Variants in EYS observed in about 807,000 individuals in gnomAD.
EYS encodes EGF-like photoreceptor maintenance factor, also known as protein eyes shut homolog.
In EYS, 250 loss-of-function variants were observed where a neutral mutation model predicts 282.1. That is an observed-to-expected ratio of 0.89 (90% CI 0.80 to 0.98). The LOEUF (loss-of-function observed/expected upper bound fraction) is 0.98. Ranked by LOEUF, EYS falls within the 50% of genes least tolerant of loss-of-function variation. The pLI is 0.00. For synonymous variants in EYS, 1,355 were observed against 1,282.9 expected (o/e 1.06, Z -1.20); for missense variants, 4,016 against 3,709.0 (o/e 1.08, Z -2.15).
At chr6:65,630,607 C>G (rs1197835231) in intron 2 of EYS, among the ~76,000 whole-genome samples, 1 of 152,190 alleles carries the variant, frequency 6.6e-6, no homozygotes, top group Non-Finnish European at 1.5e-5. Context: ...TTTGACAGAA[C>G]TTCTAAATCA....
chr6:64,062,246 C>T (rs967453264), intron 33 of EYS, among the ~76,000 whole-genome samples: 1 of 152,184 alleles, frequency 6.6e-6, no homozygotes, highest in African/African-American at 2.4e-5. Flanking sequence ...ACATAAACAA[C>T]TGGACAGATA....
intron 26 of EYS, among the ~76,000 whole-genome samples, chr6:64,439,682 T>A (rs1774870520): frequency 6.6e-6 from 1 of 151,906 alleles, no homozygotes; most frequent in African/African-American, 2.4e-5. Context: ...TTATATAAGA[T>A]ATTGATACAA....
chr6:65,022,720 A>G (rs1475546049), intron 13 of EYS, among the ~76,000 whole-genome samples: 1 of 149,744 alleles, frequency 6.7e-6, no homozygotes, highest in Non-Finnish European at 1.5e-5. Context: ...CATAAATACA[A>G]TATATGTAAT....
At chr6:64,319,747 A>G (rs959881171) in intron 29 of EYS, among the ~76,000 whole-genome samples, 2 of 151,928 alleles carry the variant, frequency 1.3e-5, no homozygotes, top group Non-Finnish European at 1.5e-5. Context: ...AGATAGACAG[A>G]CAGACAGGAA....
At chr6:63,927,366 C>G (rs1581986230) in intron 35 of EYS, among the ~76,000 whole-genome samples, 1 of 152,186 alleles carries the variant, frequency 6.6e-6, no homozygotes, top group African/African-American at 2.4e-5. Context: ...CAGTAATTTG[C>G]TAGTCATTGT....
intron 35 of EYS, among the ~76,000 whole-genome samples, chr6:63,869,501 A>G (rs1322593761): frequency 6.6e-6 from 1 of 152,150 alleles, no homozygotes; most frequent in Non-Finnish European, 1.5e-5. Context: ...TCTTTTCCAT[A>G]TCTCTGGCCT....
chr6:65,411,135 G>A (rs1477836732), intron 5 of EYS, among the ~76,000 whole-genome samples: 1 of 151,906 alleles, frequency 6.6e-6, no homozygotes, highest in African/African-American at 2.4e-5. Context: ...AAAAATAGAA[G>A]ACTCAAATAC....
chr6:64,656,736 T>C (rs10944664), intron 22 of EYS, among the ~76,000 whole-genome samples: 16,891 of 152,114 alleles, frequency 0.11, 1,121 homozygotes, highest in East Asian at 0.16. Flanking sequence ...GCATCCTGGA[T>C]TGGGAGGATG....
In EYS at chr6:63,721,107, C is replaced by G; in HGVS notation, c.8924G>C (p.Arg2975Thr). The change falls in exon 43 of 43, where the codon AGA (arginine) becomes ACA (threonine). Residue 2975 changes from arginine (R) to threonine (T), a missense_variant. Transcript: ENST00000503581. ...IKYIDPNYRM[R>T]NLQFTTISLN... is the part of the protein sequence containing the mutation. ...GGATATAGTAGTGAACTGGAGGTTT[C>G]TCATTCTATAATTTGGATCAATGTA... The G allele has an allele frequency of 6.4e-7, 1 of 1,551,394 alleles. No homozygotes were observed. Among genetic ancestry groups the G allele is most frequent in the Non-Finnish European group, 8.7e-7 (1 of 1,146,800 alleles).
chr6:65,703,649 A>C (rs1220820492), intron 1 of EYS, among the ~76,000 whole-genome samples: 1 of 151,798 alleles, frequency 6.6e-6, no homozygotes, highest in Admixed American at 6.6e-5. Context: ...TTTACATTGA[A>C]GTTACAACTC....
At chr6:64,789,759 G>T (rs757708294) in intron 22 of EYS, among the ~76,000 whole-genome samples, 1 of 151,798 alleles carries the variant, frequency 6.6e-6, no homozygotes, top group African/African-American at 2.4e-5. Context: ...GAATCCTTGT[G>T]TCTTTTCCTG....
At chr6:65,376,266 C>G (rs1168797594) in intron 8 of EYS, among the ~76,000 whole-genome samples, 2 of 152,198 alleles carry the variant, frequency 1.3e-5, no homozygotes, top group Admixed American at 1.3e-4. Flanking sequence ...ATTTCATATC[C>G]AGCCAAACTA....
chr6:65,473,847 CAA>C (rs377100286), intron 5 of EYS, among the ~76,000 whole-genome samples: 23 of 117,818 alleles, frequency 2.0e-4, no homozygotes, highest in Non-Finnish European at 2.0e-4. Context: ...ATTTTTGTCT[CAA>C]AAAAAAAAAA....
intron 12 of EYS, among the ~76,000 whole-genome samples, chr6:65,281,256 T>C (rs1376174314): frequency 6.6e-6 from 1 of 152,066 alleles, no homozygotes; most frequent in Non-Finnish European, 1.5e-5. Context: ...GATATTCAAC[T>C]ACTCTTATTA....
At chr6:65,694,299 T>G (rs1360326910) in intron 1 of EYS, among the ~76,000 whole-genome samples, 1 of 149,272 alleles carries the variant, frequency 6.7e-6, no homozygotes, top group Non-Finnish European at 1.5e-5. Context: ...ATATGTATAA[T>G]AAAACATATG....
chr6:65,150,495 T>C (rs1258113593), intron 12 of EYS, among the ~76,000 whole-genome samples: 2 of 151,978 alleles, frequency 1.3e-5, no homozygotes, highest in Non-Finnish European at 2.9e-5. Context: ...GGTTTTGTTA[T>C]ATTAACCCCA....
chr6:64,109,637 C>T (rs1773142874), intron 31 of EYS, among the ~76,000 whole-genome samples: 2 of 152,142 alleles, frequency 1.3e-5, no homozygotes, highest in East Asian at 1.9e-4. Context: ...AAATGCCTCA[C>T]ATGCAAGGAG....
intron 2 of EYS, among the ~76,000 whole-genome samples, chr6:65,502,015 T>A (rs1766471218): frequency 1.3e-5 from 2 of 151,772 alleles, no homozygotes; most frequent in Admixed American, 1.3e-4. Context: ...TCTTATAGAT[T>A]ATTGATTTTT....
At chr6:64,827,456 G>T (rs1765093556) in intron 19 of EYS, among the ~76,000 whole-genome samples, 1 of 151,760 alleles carries the variant, frequency 6.6e-6, no homozygotes, top group Admixed American at 6.6e-5. Flanking sequence ...TCATGAAAAT[G>T]CCAAATACAA....
Sources: gnomAD v4.1 joint callset for allele counts (sites outside exome capture counted in the v4.1 genomes callset) on GRCh38, gnomAD v4.1.1 for gene constraint, MANE v1.5 for transcripts, NCBI Gene and HGNC (gene_info 2026-07-23, HGNC 2026-07-21) for gene names.